MBNL3: variants seen among roughly 807,000 people sequenced by gnomAD.
MBNL3 encodes the protein muscleblind like splicing regulator 3.
In MBNL3, 6 loss-of-function variants were observed where a neutral mutation model predicts 24.5. The observed-to-expected ratio is 0.25, with a 90% CI of 0.13 to 0.48. MBNL3 has a LOEUF of 0.48. MBNL3 is among the 20% of genes least tolerant of loss of function. The pLI is 0.99. For missense variants in MBNL3, 230 were observed against 293.5 expected, an observed-to-expected ratio of 0.78 and a Z score of 1.58; for synonymous variants, 100 against 101.7, an observed-to-expected ratio of 0.98 and a Z score of 0.10.
rs767728909 is a variant in MBNL3 at position 132,378,220 on chromosome X, C to T, written c.*1446G>A. On this transcript the variant is annotated 3_prime_UTR_variant, in exon 9 of 9. Coordinates refer to ENST00000370853, the MANE Select transcript of MBNL3 (RefSeq NM_001386889.1). Reference sequence around the variant, plus strand: ...TTGCCATATATCACAGGTGCTTTCTCCTTCACTGAACTGTTTAACAAAACG... The same window carrying T: ...TTGCCATATATCACAGGTGCTTTCTTCTTCACTGAACTGTTTAACAAAACG... 28 of 111,632 alleles carry T rather than the reference C, an allele frequency of 2.5e-4. 1 individual carries two copies. The South Asian group carries it at 9.4e-3, about 38-fold the overall frequency. 9.2% of individuals were successfully genotyped at this position (111,632 alleles called of 1,213,427 possible).
At chrX:132,469,337 A>G (rs753030193) in intron 1 of MBNL3, among the ~76,000 whole-genome samples, 4 of 112,682 alleles carry the variant, frequency 3.5e-5, no homozygotes, top group Non-Finnish European at 7.5e-5. Context: ...TAAGTTGTCA[A>G]CAAGTACATG....
At chrX:132,449,778 A>G (rs1387313647) in intron 1 of MBNL3, among the ~76,000 whole-genome samples, 1 of 110,732 alleles carries the variant, frequency 9.0e-6, no homozygotes, top group Non-Finnish European at 1.9e-5. Context: ...ATGTTGTTGC[A>G]GTGGCTGGTA....
chrX:132,416,089 G>A lies in MBNL3; in HGVS notation c.178-9697C>T, dbSNP rs781586006. 2.7e-5 allele frequency among the ~76,000 whole-genome samples: 3 copies of A among 111,495 alleles called. No individual in the cohort carries two copies. In the South Asian group the frequency reaches 1.1e-3, roughly 42 times the overall value. On this transcript the variant is annotated intron_variant, in intron 2 of 8. Coordinates refer to ENST00000370853, the MANE Select transcript of MBNL3 (RefSeq NM_001386889.1). ...TCCTAAAGGAAAACAGTATTTCAAAGAGATGCACCCCTGTGTTTATTACAG... is the reference window on the plus strand; with the variant it reads ...TCCTAAAGGAAAACAGTATTTCAAAAAGATGCACCCCTGTGTTTATTACAG...
Position 132,398,989 on chromosome X carries a change from C to T in MBNL3, c.343-6655G>A, listed in dbSNP as rs183730488. Among the ~76,000 whole-genome samples, 131 of 111,408 alleles carry T rather than the reference C, an allele frequency of 1.2e-3. 1 individual carries two copies. In the Middle Eastern group the frequency reaches 0.014, roughly 12 times the overall value. The stretch of plus-strand genomic sequence containing the variant: ...TCTTACTTTTGTTACATAACGAATT[C>T]CTAGAGGGTAGAGTTTGTTTCTTGA... On this transcript the variant is annotated intron_variant, in intron 3 of 8. Coordinates refer to ENST00000370853, the MANE Select transcript of MBNL3 (RefSeq NM_001386889.1).
At chrX:132,457,858 A>G (rs986539946) in intron 1 of MBNL3, among the ~76,000 whole-genome samples, 1 of 111,595 alleles carries the variant, frequency 9.0e-6, no homozygotes, top group African/African-American at 3.3e-5. Flanking sequence ...GCCTCAAACA[A>G]CAAAGCAGCT....
intron 1 of MBNL3, among the ~76,000 whole-genome samples, chrX:132,450,719 T>C (rs758778876): frequency 1.5e-4 from 17 of 111,376 alleles, no homozygotes; most frequent in Non-Finnish European, 2.8e-4. Flanking sequence ...TGGCGAGGAG[T>C]TGTGATCCTT....
chrX:132,426,000 C>T (rs192366208), intron 2 of MBNL3, among the ~76,000 whole-genome samples: 133 of 111,634 alleles, frequency 1.2e-3, no homozygotes, highest in African/African-American at 4.3e-3. Context: ...GGAAAGTTGG[C>T]ACATGGGTGT....
chrX:132,460,482 C>G (rs146334352), intron 1 of MBNL3, among the ~76,000 whole-genome samples: 1,642 of 111,350 alleles, frequency 0.015, 25 homozygotes, highest in African/African-American at 0.05. Flanking sequence ...CTTCAGTTTC[C>G]TCATCTATAA....
At chrX:132,479,141 T>C (rs1407248330) in intron 1 of MBNL3, among the ~76,000 whole-genome samples, 1 of 111,205 alleles carries the variant, frequency 9.0e-6, no homozygotes, top group Non-Finnish European at 1.9e-5. Context: ...CCCAGCTACT[T>C]GGGAGGCTGA....
At position 132,373,937 on chromosome X, in the gene MBNL3, T is replaced by C. The variant is rs1933872751; in HGVS notation, c.*5729A>G. 9.0e-6 allele frequency: 1 copy of C among 111,664 alleles called. No individual in the cohort carries two copies. 9.2% of individuals were successfully genotyped at this position (111,664 alleles called of 1,213,427 possible). A position where few individuals can be genotyped will look rare whatever the true frequency, so the allele number is the denominator to read the frequency against. On this transcript the variant is annotated 3_prime_UTR_variant, in exon 9 of 9. Coordinates refer to ENST00000370853, the MANE Select transcript of MBNL3 (RefSeq NM_001386889.1). ...TTCCACTGAACAGGTATAATGTAAA[T>C]GAAGCCAGTTATAAAGTTGTGCCAG...
At chrX:132,406,475 C>T in intron 2 of MBNL3, 83 bp from the exon 3 acceptor site, 2 of 897,484 alleles carry the variant, frequency 2.2e-6, no homozygotes, top group Non-Finnish European at 3.0e-6. Context: ...TGGGGACAAT[C>T]TAAGCTCCAA....
At chrX:132,406,725 C>CA (rs898609315) in intron 2 of MBNL3, among the ~76,000 whole-genome samples, 4 of 111,913 alleles carry the variant, frequency 3.6e-5, no homozygotes, top group Non-Finnish European at 5.6e-5. Context: ...TCCGTGGAAT[C>CA]AAACATGCTT....
chrX:132,416,074 A>C (rs943170868), intron 2 of MBNL3, among the ~76,000 whole-genome samples: 4 of 111,728 alleles, frequency 3.6e-5, no homozygotes, highest in Non-Finnish European at 5.7e-5. Flanking sequence ...TCCTAAAGGA[A>C]AACAGTATTT....
chrX:132,425,177 A>C (rs1335893145), intron 2 of MBNL3, among the ~76,000 whole-genome samples: 1 of 111,812 alleles, frequency 8.9e-6, no homozygotes, highest in Admixed American at 9.5e-5. Context: ...AAGCAGAGTC[A>C]ATTGTCCAAA....
chrX:132,396,605 TATATATATTCATATATATATTC>T (rs1938855334), intron 3 of MBNL3, among the ~76,000 whole-genome samples: 2 of 35,789 alleles, frequency 5.6e-5, no homozygotes, highest in African/African-American at 1.2e-4. Context: ...TATATATTCC[TATATATATTCATATATATATTC>T]ATATATATTC....
chrX:132,469,285 C>T (rs1459435021), intron 1 of MBNL3, among the ~76,000 whole-genome samples: 2 of 112,588 alleles, frequency 1.8e-5, no homozygotes, highest in African/African-American at 6.5e-5. Flanking sequence ...TCCTTGAGGA[C>T]ACATCTTCAT....
At chrX:132,457,017 C>CA (rs894554710) in intron 1 of MBNL3, among the ~76,000 whole-genome samples, 2 of 110,802 alleles carry the variant, frequency 1.8e-5, no homozygotes. Context: ...ATTTTTCTAC[C>CA]AAAAAAATGG....
intron 1 of MBNL3, among the ~76,000 whole-genome samples, chrX:132,443,477 C>T (rs1310358224): frequency 2.7e-5 from 3 of 111,909 alleles, no homozygotes; most frequent in Non-Finnish European, 3.8e-5. Flanking sequence ...TCAACATTTT[C>T]ATAATCTCCG....
rs746320764 is a variant in MBNL3 at position 132,370,744 on chromosome X, A to G, written c.*8922T>C. 8.9e-6 allele frequency: 1 copy of G among 111,987 alleles called. No homozygotes were observed. Among genetic ancestry groups the G allele is most frequent in the African/African-American group, 3.2e-5 (1 of 30,815 alleles). 9.2% of individuals were successfully genotyped at this position (111,987 alleles called of 1,213,427 possible). On this transcript the variant is annotated 3_prime_UTR_variant, in exon 9 of 9. Coordinates refer to ENST00000370853, the MANE Select transcript of MBNL3 (RefSeq NM_001386889.1). ...CACTTAAGGGGAAAAGTCCAGATCT[A>G]TCAGAGGAAACAGGCCTGATAAGTT...
Sources: gnomAD v4.1 joint callset for allele counts (sites outside exome capture counted in the v4.1 genomes callset) on GRCh38, gnomAD v4.1.1 for gene constraint, MANE v1.5 for transcripts, NCBI Gene and HGNC (gene_info 2026-07-23, HGNC 2026-07-21) for gene names.